PHF2: variants seen among roughly 807,000 people sequenced by gnomAD.
PHF2 encodes lysine-specific demethylase PHF2.
A neutral mutation model predicts 120.5 loss-of-function variants in PHF2; 27 were observed. The observed-to-expected ratio is 0.22, with a 90% CI of 0.17 to 0.31. PHF2 has a LOEUF of 0.31. PHF2 is among the 10% of genes least tolerant of loss of function. The probability of loss-of-function intolerance (pLI) is 1.00; values close to 1 mark genes in which losing one functional copy is unlikely to be tolerated. For synonymous variants in PHF2, 568 were observed against 592.5 expected (o/e 0.96, Z 0.60); for missense variants, 1,024 against 1,434.8 (o/e 0.71, Z 4.63).
rs572860231 is a variant in PHF2 at position 93,652,858 on chromosome 9, G to T, written c.603-321G>T. Among the ~76,000 whole-genome samples, 157 of 152,326 alleles carry T rather than the reference G, an allele frequency of 1.0e-3. 1 individual carries two copies. The highest frequency in any genetic ancestry group is 1.6e-3 in the Non-Finnish European group (112 of 68,022). ...CAGTGTGCCACAGCACATGGCACGT[G>T]GCCAGTCTGGAAAGACTCGCTTTCC... On this transcript the variant is annotated intron_variant, in intron 5 of 21. Transcript: ENST00000359246.
intron 10 of PHF2, among the ~76,000 whole-genome samples, chr9:93,658,486 GC>G (rs1327038056): frequency 1.3e-5 from 2 of 152,212 alleles, no homozygotes; most frequent in Non-Finnish European, 2.9e-5. Context: ...TAGATGCAGA[GC>G]CCCCTCCATC....
In PHF2 at chr9:93,663,640, G is replaced by A. The variant is rs574309476; in HGVS notation, c.1937+5G>A. 1.3e-6 allele frequency: 2 copies of A among 1,574,360 alleles called. No individual in the cohort carries two copies. The highest frequency in any genetic ancestry group is 2.2e-5 in the East Asian group (1 of 44,680). On this transcript the variant is annotated splice_donor_5th_base_variant and intron_variant, in intron 14 of 21. Coordinates refer to ENST00000359246, the MANE Select transcript of PHF2 (RefSeq NM_005392.4). ...CTCCAACAAGAAACTCCTCGGGTAT[G>A]TGAGTGCCTGGATGGGAGGGGTGAC...
At chr9:93,675,415 C>T (rs994825506) in intron 19 of PHF2, among the ~76,000 whole-genome samples, 1 of 152,236 alleles carries the variant, frequency 6.6e-6, no homozygotes, top group African/African-American at 2.4e-5. Context: ...CCACCTTCCA[C>T]ATTACCCTCA....
intron 1 of PHF2, among the ~76,000 whole-genome samples, chr9:93,629,720 G>A (rs1352790026): frequency 2.0e-5 from 3 of 152,152 alleles, no homozygotes; most frequent in African/African-American, 4.8e-5. Context: ...CTATTCATTG[G>A]GTCCTCATGG....
intron 1 of PHF2, among the ~76,000 whole-genome samples, chr9:93,628,864 G>A (rs1825952976): frequency 6.6e-6 from 1 of 152,110 alleles, no homozygotes; most frequent in Non-Finnish European, 1.5e-5. Flanking sequence ...AGTCTTGGGG[G>A]CTTCTTTACA....
intron 1 of PHF2, among the ~76,000 whole-genome samples, chr9:93,620,985 G>A (rs1237925487): frequency 6.6e-6 from 1 of 152,244 alleles, no homozygotes; most frequent in Non-Finnish European, 1.5e-5. Context: ...CTCGTTAGGT[G>A]CTGTCTCCTT....
At chr9:93,673,457 A>T in intron 17 of PHF2, 128 bp from the exon 18 acceptor site, 1 of 754,144 alleles carries the variant, frequency 1.3e-6, no homozygotes, top group Non-Finnish European at 2.0e-6. Context: ...TCTCTGCTCC[A>T]CGCCCTCTGC....
intron 4 of PHF2, 92 bp from the exon 5 acceptor site, chr9:93,648,979 G>A: frequency 6.9e-7 from 1 of 1,439,006 alleles, no homozygotes; most frequent in South Asian, 1.3e-5. Context: ...TGTGAGGGCA[G>A]CCAAGAGTGT....
chr9:93,674,385 C>T (rs1826869754), intron 18 of PHF2, among the ~76,000 whole-genome samples: 1 of 152,142 alleles, frequency 6.6e-6, no homozygotes, highest in African/African-American at 2.4e-5. Flanking sequence ...AGCCCACCCT[C>T]CATGGACGTT....
intron 1 of PHF2, among the ~76,000 whole-genome samples, chr9:93,577,725 C>G (rs1862855640): frequency 6.6e-6 from 1 of 152,138 alleles, no homozygotes; most frequent in South Asian, 2.1e-4. Context: ...AAGGAGGTAA[C>G]GCTTGGAGAC....
At position 93,576,719 on chromosome 9, in the gene PHF2, C is replaced by G. The variant is rs1319583934; in HGVS notation, c.-55C>G. The G allele has an allele frequency of 3.4e-6, 3 of 894,038 alleles. No individual in the cohort carries two copies. Among genetic ancestry groups the G allele is most frequent in the African/African-American group, 1.9e-5 (1 of 53,840 alleles). The allele number at this position is 894,038 out of a possible 1,614,324, so 55.4% of individuals were successfully genotyped here. A position where few individuals can be genotyped will look rare whatever the true frequency, so the allele number is the denominator to read the frequency against. ...GCGCGGCCCGGCCCCCGGCCCGGCCCGGACCGACCCGGGCAGCGCAGCGGC... is the reference window on the plus strand; with the variant it reads ...GCGCGGCCCGGCCCCCGGCCCGGCCGGGACCGACCCGGGCAGCGCAGCGGC... On this transcript the variant is annotated 5_prime_UTR_variant, in exon 1 of 22. Coordinates refer to ENST00000359246, the MANE Select transcript of PHF2 (RefSeq NM_005392.4).
intron 17 of PHF2, among the ~76,000 whole-genome samples, chr9:93,672,114 A>G (rs1160370340): frequency 2.2e-5 from 2 of 90,490 alleles, no homozygotes; most frequent in Admixed American, 1.0e-4. Flanking sequence ...ACAGGTGTAG[A>G]TGCAGGTGTG....
At chr9:93,605,622 C>T (rs1825528701) in intron 1 of PHF2, among the ~76,000 whole-genome samples, 1 of 152,202 alleles carries the variant, frequency 6.6e-6, no homozygotes, top group African/African-American at 2.4e-5. Context: ...GTCTCCGTAG[C>T]TTTGCCTTTT....
chr9:93,665,915 C>T (rs374502547), intron 15 of PHF2, 51 bp downstream of exon 15: 5 of 1,611,902 alleles, frequency 3.1e-6, no homozygotes, highest in African/African-American at 2.7e-5. Flanking sequence ...GCCCATCCTG[C>T]CCCGGAGAGG....
intron 1 of PHF2, among the ~76,000 whole-genome samples, chr9:93,624,859 G>C (rs1358205995): frequency 6.6e-6 from 1 of 151,990 alleles, no homozygotes; most frequent in Non-Finnish European, 1.5e-5. Flanking sequence ...GATGATAGTG[G>C]TTGAAGTGAT....
chr9:93,637,781 A>G (rs974553453), intron 3 of PHF2, among the ~76,000 whole-genome samples: 1 of 152,188 alleles, frequency 6.6e-6, no homozygotes, highest in Non-Finnish European at 1.5e-5. Context: ...TTATGTGGAC[A>G]TATGCTTTTA....
intron 18 of PHF2, among the ~76,000 whole-genome samples, chr9:93,674,666 G>A (rs371466439): frequency 1.4e-4 from 22 of 152,324 alleles, no homozygotes; most frequent in Non-Finnish European, 2.9e-4. Flanking sequence ...CACAGATGAG[G>A]CTGGGCAGGT....
At chr9:93,675,181 T>C (rs1826885962) in intron 19 of PHF2, among the ~76,000 whole-genome samples, 159 bp downstream of exon 19, 1 of 152,188 alleles carries the variant, frequency 6.6e-6, no homozygotes, top group Admixed American at 6.5e-5. Flanking sequence ...GTCAGCTGCT[T>C]GCAGGAGTGC....
At chr9:93,623,670 C>T (rs1825860158) in intron 1 of PHF2, among the ~76,000 whole-genome samples, 3 of 152,354 alleles carry the variant, frequency 2.0e-5, no homozygotes, top group South Asian at 4.1e-4. Flanking sequence ...TCTCACTTTG[C>T]ACCCTGAGAG....
Sources: gnomAD v4.1 joint callset for allele counts (sites outside exome capture counted in the v4.1 genomes callset) on GRCh38, gnomAD v4.1.1 for gene constraint, MANE v1.5 for transcripts, NCBI Gene and HGNC (gene_info 2026-07-23, HGNC 2026-07-21) for gene names.